Variants in WWOX observed in about 807,000 individuals in gnomAD.
WWOX encodes WW domain-containing oxidoreductase.
Under a neutral mutation model 46.2 loss-of-function variants are expected in WWOX, and 69 were observed. The ratio of observed to expected loss-of-function variants is 1.49; its 90% CI spans 1.23 to 1.82. The LOEUF is 1.82. Among genes scored for constraint, WWOX ranks in the 40% most tolerant of loss-of-function variants. The probability of loss-of-function intolerance (pLI) is 0.00; values close to 1 mark genes in which losing one functional copy is unlikely to be tolerated. For missense variants in WWOX, 919 were observed against 542.6 expected (o/e 1.69, Z -6.89); for synonymous variants, 359 against 202.6 (o/e 1.77, Z -6.56).
At chr16:78,921,059 A>T (rs2045366917) in intron 8 of WWOX, among the ~76,000 whole-genome samples, 1 of 152,106 alleles carries the variant, frequency 6.6e-6, no homozygotes, top group South Asian at 2.1e-4. Flanking sequence ...TTCCAACCAG[A>T]TTTTGTGCTT....
At chr16:79,156,307 C>G (rs145500773) in intron 8 of WWOX, among the ~76,000 whole-genome samples, 205 of 152,262 alleles carry the variant, frequency 1.3e-3, no homozygotes, top group Non-Finnish European at 1.3e-3. Flanking sequence ...GACCCAGGTG[C>G]GCACCAACAC....
chr16:78,177,877 T>G (rs973844575), intron 5 of WWOX, among the ~76,000 whole-genome samples: 1 of 152,204 alleles, frequency 6.6e-6, no homozygotes, highest in Admixed American at 6.5e-5. Context: ...CTGAACAGAC[T>G]TGCTTAGTTC....
chr16:78,862,182 G>C (rs1246565396), intron 8 of WWOX, among the ~76,000 whole-genome samples: 2 of 151,316 alleles, frequency 1.3e-5, no homozygotes, highest in Admixed American at 1.3e-4. Flanking sequence ...ACACACCGAT[G>C]GGTGTGTCTG....
chr16:78,383,443 G>C (rs546600774), intron 5 of WWOX, among the ~76,000 whole-genome samples: 17 of 152,218 alleles, frequency 1.1e-4, no homozygotes, highest in Non-Finnish European at 1.9e-4. Context: ...AGTGAATTAT[G>C]GTCAGTTGCA....
intron 8 of WWOX, among the ~76,000 whole-genome samples, chr16:78,538,877 G>T (rs1201929832): frequency 2.0e-5 from 3 of 152,172 alleles, no homozygotes; most frequent in Admixed American, 1.3e-4. Context: ...TAGTACCTAT[G>T]AGATGCATTT....
chr16:78,605,758 G>T (rs2045741705), intron 8 of WWOX, among the ~76,000 whole-genome samples: 1 of 152,174 alleles, frequency 6.6e-6, no homozygotes. Flanking sequence ...TTCATGGAAA[G>T]GATAGGAAGA....
At chr16:78,419,787 G>T (rs1466328097) in intron 6 of WWOX, among the ~76,000 whole-genome samples, 2 of 151,700 alleles carry the variant, frequency 1.3e-5, no homozygotes, top group Non-Finnish European at 2.9e-5. Flanking sequence ...AAGAAAAAAA[G>T]ATATCCAGAA....
chr16:79,101,962 G>A (rs2150632768), intron 8 of WWOX, among the ~76,000 whole-genome samples: 1 of 149,196 alleles, frequency 6.7e-6, no homozygotes, highest in East Asian at 2.0e-4. Flanking sequence ...AGAGTTACCT[G>A]AAGTTGACAC....
chr16:78,662,769 T>A (rs1049735796), intron 8 of WWOX, among the ~76,000 whole-genome samples: 3 of 152,132 alleles, frequency 2.0e-5, no homozygotes, highest in Non-Finnish European at 4.4e-5. Context: ...AGCTGCACAG[T>A]TGTTGGCAAG....
chr16:78,648,614 C>G (rs1331254663), intron 8 of WWOX, among the ~76,000 whole-genome samples: 1 of 152,186 alleles, frequency 6.6e-6, no homozygotes, highest in Non-Finnish European at 1.5e-5. Context: ...GCAGGACCAA[C>G]CAGAGAAAGC....
chr16:78,564,142 C>T (rs977984142), intron 8 of WWOX, among the ~76,000 whole-genome samples: 2 of 152,228 alleles, frequency 1.3e-5, no homozygotes, highest in African/African-American at 4.8e-5. Context: ...CCCAGCTGAG[C>T]CCAGCCCAAA....
chr16:78,624,851 G>A (rs1028228185), intron 8 of WWOX, among the ~76,000 whole-genome samples: 1 of 152,194 alleles, frequency 6.6e-6, no homozygotes, highest in Non-Finnish European at 1.5e-5. Context: ...AGCAGATATC[G>A]TATGAACATG....
intron 8 of WWOX, among the ~76,000 whole-genome samples, chr16:78,642,318 G>T (rs1567457993): frequency 6.6e-6 from 1 of 152,174 alleles, no homozygotes; most frequent in African/African-American, 2.4e-5. Context: ...AGGAATCAGA[G>T]TTGGGATTTG....
chr16:78,309,286 T>C (rs2080190941), intron 5 of WWOX, among the ~76,000 whole-genome samples: 1 of 152,228 alleles, frequency 6.6e-6, no homozygotes, highest in South Asian at 2.1e-4. Context: ...TTCATTCTGC[T>C]TCCTGCCGCT....
intron 8 of WWOX, among the ~76,000 whole-genome samples, chr16:78,984,214 C>T (rs8046676): frequency 0.91 from 139,208 of 152,156 alleles, 64,355 homozygotes; most frequent in East Asian, 1. Flanking sequence ...GCTTTGAGTC[C>T]GGTATAACCA....
intron 8 of WWOX, among the ~76,000 whole-genome samples, chr16:79,037,596 C>G (rs1031756318): frequency 6.6e-6 from 1 of 152,132 alleles, no homozygotes; most frequent in Non-Finnish European, 1.5e-5. Flanking sequence ...CTGCACCCTG[C>G]TACCTCCCAG....
At chr16:78,668,141 G>T (rs998122660) in intron 8 of WWOX, among the ~76,000 whole-genome samples, 7 of 152,156 alleles carry the variant, frequency 4.6e-5, no homozygotes, top group African/African-American at 1.7e-4. Context: ...TTAGCCAGCT[G>T]TGGTGGCACA....
intron 8 of WWOX, among the ~76,000 whole-genome samples, chr16:78,764,345 C>G (rs1290235831): frequency 6.6e-6 from 1 of 151,380 alleles, no homozygotes; most frequent in African/African-American, 2.4e-5. Context: ...AGTCCTAATT[C>G]CCTGTGAGCT....
chr16:78,948,208 C>G (rs185260264), intron 8 of WWOX, among the ~76,000 whole-genome samples: 53 of 152,292 alleles, frequency 3.5e-4, no homozygotes, highest in Admixed American at 2.4e-3. Flanking sequence ...CAGACTTGCT[C>G]AAGACCTGGA....
Sources: gnomAD v4.1 joint callset for allele counts (sites outside exome capture counted in the v4.1 genomes callset) on GRCh38, gnomAD v4.1.1 for gene constraint, MANE v1.5 for transcripts, NCBI Gene and HGNC (gene_info 2026-07-23, HGNC 2026-07-21) for gene names.